The following ARHGAP18 variants were observed in gnomAD, a reference collection of about 807,000 sequenced individuals.
ARHGAP18 encodes the protein Rho GTPase activating protein 18.
ARHGAP18 carries 67 observed loss-of-function variants against 86.2 expected under a neutral mutation model. The ratio of observed to expected loss-of-function variants is 0.78; its 90% CI spans 0.64 to 0.95. The LOEUF (loss-of-function observed/expected upper bound fraction) is 0.95. Ranked by LOEUF, ARHGAP18 falls within the 40% of genes least tolerant of loss-of-function variation. The pLI is 0.00. For synonymous variants in ARHGAP18, 283 were observed against 280.4 expected, an observed-to-expected ratio of 1.01 and a Z score of -0.09; for missense variants, 691 against 780.4, an observed-to-expected ratio of 0.89 and a Z score of 1.37.
chr6:129,681,817 A>G (rs957759311), intron 1 of ARHGAP18, among the ~76,000 whole-genome samples: 6 of 152,216 alleles, frequency 3.9e-5, no homozygotes, highest in African/African-American at 1.4e-4. Flanking sequence ...TTCAAAGAAC[A>G]TGGTGACCAA....
chr6:129,633,957 T>G, intron 4 of ARHGAP18, 85 bp downstream of exon 4: 1 of 1,174,332 alleles, frequency 8.5e-7, no homozygotes. Context: ...TTACTAGAAT[T>G]GAAGGTAATG....
chr6:129,629,038 T>G (rs547381158), intron 5 of ARHGAP18, among the ~76,000 whole-genome samples: 1 of 152,294 alleles, frequency 6.6e-6, no homozygotes, highest in South Asian at 2.1e-4. Flanking sequence ...TGCCATACTA[T>G]TCTTTCAACT....
intron 12 of ARHGAP18, among the ~76,000 whole-genome samples, chr6:129,588,676 CA>C (rs1220984754): frequency 6.6e-6 from 1 of 152,200 alleles, no homozygotes; most frequent in African/African-American, 2.4e-5. Context: ...CTCCACTAGG[CA>C]GTGTCCCAGT....
chr6:129,638,705 C>T lies in ARHGAP18; in HGVS notation c.317-76G>A. 4 of 1,327,662 alleles carry T rather than the reference C, an allele frequency of 3.0e-6. No homozygotes were observed. In the South Asian group the frequency reaches 4.0e-5, roughly 13 times the overall value. The allele number at this position is 1,327,662 out of a possible 1,614,324, so 82.2% of individuals were successfully genotyped here. Reference sequence around the variant, plus strand: ...TACATTTTTTAAGCTGTTAAAAATTCTTACTAAAACTCTTCTATTGTAACC... The same window carrying T: ...TACATTTTTTAAGCTGTTAAAAATTTTTACTAAAACTCTTCTATTGTAACC... On this transcript the variant is annotated intron_variant, in intron 2 of 14. Transcript: ENST00000368149.
At chr6:129,623,146 G>A (rs1200081440) in intron 5 of ARHGAP18, among the ~76,000 whole-genome samples, 2 of 151,636 alleles carry the variant, frequency 1.3e-5, no homozygotes, top group Non-Finnish European at 2.9e-5. Context: ...GGATTTGCAT[G>A]AGGGGCCCCT....
chr6:129,608,060 G>GAA lies in ARHGAP18; in HGVS notation c.1123-9_1123-8insTT. The GAA allele has an allele frequency of 9.9e-7, 1 of 1,013,108 alleles. No homozygotes were observed. The highest frequency in any genetic ancestry group is 1.8e-5 in the South Asian group (1 of 54,120). 62.8% of individuals were successfully genotyped at this position (1,013,108 alleles called of 1,614,324 possible). A position where few individuals can be genotyped will look rare whatever the true frequency, so the allele number is the denominator to read the frequency against. ...TAGTTCTTGGCAAAGATTCTGATAG[G>GAA]CACGAAAAAAAAAAAAAAAAAAAAA... On this transcript the variant is annotated splice_polypyrimidine_tract_variant and intron_variant, in intron 8 of 14. Transcript: ENST00000368149.
chr6:129,607,907 A>T lies in ARHGAP18; in HGVS notation c.1268T>A (p.Phe423Tyr). The change falls in exon 9 of 15, where the codon TTT becomes TAT. Residue 423 changes from phenylalanine (F) to tyrosine (Y), a missense_variant. Transcript: ENST00000368149. ...ATAGCACTTACTCTGGACAGCCTGA[A>T]AGGCTTTGAGATACTCCACACTGAG... ...PLLSVEYLKA[F>Y]QAVQNLPTKK... 6.2e-7 allele frequency: 1 copy of T among 1,607,566 alleles called. No individual in the cohort carries two copies. The highest frequency in any genetic ancestry group is 8.5e-7 in the Non-Finnish European group (1 of 1,177,958).
At chr6:129,677,158 C>T (rs1562721346) in intron 1 of ARHGAP18, among the ~76,000 whole-genome samples, 1 of 151,690 alleles carries the variant, frequency 6.6e-6, no homozygotes, top group East Asian at 1.9e-4. Flanking sequence ...TTTGGGAGGC[C>T]GAAGCAGGCG....
intron 1 of ARHGAP18, among the ~76,000 whole-genome samples, chr6:129,695,715 G>T (rs1320593162): frequency 6.6e-6 from 1 of 152,118 alleles, no homozygotes. Context: ...ACAGACAAAT[G>T]ATTTAAATTT....
chr6:129,686,978 C>CTTTTTTTTTTTTTTTTTTT (rs71028176), intron 1 of ARHGAP18, among the ~76,000 whole-genome samples: 3 of 106,940 alleles, frequency 2.8e-5, no homozygotes, highest in African/African-American at 6.9e-5. Context: ...TTTTTTTTTT[C>CTTTTTTTTTTTTTTTTTTT]TTTTTTTTTT....
chr6:129,579,559 A>G (rs193114495), intron 14 of ARHGAP18, among the ~76,000 whole-genome samples: 1 of 152,338 alleles, frequency 6.6e-6, no homozygotes, highest in East Asian at 1.9e-4. Context: ...ACAAAAGGGT[A>G]AAATATAAAA....
intron 1 of ARHGAP18, among the ~76,000 whole-genome samples, chr6:129,673,267 A>G (rs1461068938): frequency 6.7e-6 from 1 of 150,358 alleles, no homozygotes; most frequent in Non-Finnish European, 1.5e-5. Context: ...TCCAGTTCCT[A>G]TTTCCCTTGT....
chr6:129,661,021 T>TAAA (rs34750408), intron 1 of ARHGAP18, among the ~76,000 whole-genome samples: 1 of 121,614 alleles, frequency 8.2e-6, no homozygotes, highest in African/African-American at 3.0e-5. Flanking sequence ...ACAAAACCTT[T>TAAA]AAAAAAAAAA....
At chr6:129,681,416 C>G (rs1357065344) in intron 1 of ARHGAP18, among the ~76,000 whole-genome samples, 1 of 152,074 alleles carries the variant, frequency 6.6e-6, no homozygotes, top group Non-Finnish European at 1.5e-5. Context: ...ACAGTGTCCT[C>G]CAAAAAAGAA....
At chr6:129,601,145 T>C (rs1319641276) in intron 10 of ARHGAP18, among the ~76,000 whole-genome samples, 1 of 152,020 alleles carries the variant, frequency 6.6e-6, no homozygotes, top group Admixed American at 6.6e-5. Flanking sequence ...CCTATGGGAG[T>C]CATGGAGAGC....
At chr6:129,703,178 G>A (rs916763880) in intron 1 of ARHGAP18, among the ~76,000 whole-genome samples, 1 of 152,176 alleles carries the variant, frequency 6.6e-6, no homozygotes, top group Admixed American at 6.5e-5. Flanking sequence ...TACAGCCAGT[G>A]GGGAATTAAA....
rs1788969939 is a variant in ARHGAP18, at chr6:129,611,131, ACCTCAAGCAAT to A, written c.1122+391_1122+401del. On this transcript the variant is annotated intron_variant, in intron 8 of 14. Transcript: ENST00000368149. ...TGCCCAAGGTGGTCTTGAATTCCTA[ACCTCAAGCAAT>A]CCTCCCGCCTTGGCCTCCCAAAGTG... Among the ~76,000 whole-genome samples, 4 of 151,400 alleles carry A rather than the reference ACCTCAAGCAAT, an allele frequency of 2.6e-5. No homozygotes were observed. The South Asian group carries it at 8.3e-4, about 32-fold the overall frequency.
At chr6:129,698,937 C>T (rs1774667529) in intron 1 of ARHGAP18, among the ~76,000 whole-genome samples, 1 of 152,086 alleles carries the variant, frequency 6.6e-6, no homozygotes, top group Non-Finnish European at 1.5e-5. Flanking sequence ...AGGTGATCCA[C>T]CCACCTTGGC....
At chr6:129,584,232 T>A in intron 12 of ARHGAP18, 120 bp from the exon 13 acceptor site, 1 of 1,370,810 alleles carries the variant, frequency 7.3e-7, no homozygotes, top group South Asian at 1.5e-5. Flanking sequence ...CATAAAAACC[T>A]TAACTACTGT....
Sources: gnomAD v4.1 joint callset for allele counts (sites outside exome capture counted in the v4.1 genomes callset) on GRCh38, gnomAD v4.1.1 for gene constraint, MANE v1.5 for transcripts, NCBI Gene and HGNC (gene_info 2026-07-23, HGNC 2026-07-21) for gene names.